Variants in RAB38 observed in about 807,000 individuals in gnomAD.
The protein encoded by RAB38 is RAB38, member RAS oncogene family, also known as ras-related protein Rab-38.
A neutral mutation model predicts 18.4 loss-of-function variants in RAB38; 15 were observed. That is an observed-to-expected ratio of 0.82 (90% CI 0.55 to 1.26). RAB38 has a LOEUF of 1.26. Among genes scored for constraint, RAB38 ranks in the 50% most tolerant of loss-of-function variants. The pLI is 0.00. For missense variants in RAB38, 294 were observed against 267.4 expected, an observed-to-expected ratio of 1.10 and a Z score of -0.69; for synonymous variants, 101 against 104.4, an observed-to-expected ratio of 0.97 and a Z score of 0.20.
the RAB38 span, among the ~76,000 whole-genome samples, chr11:87,963,739 C>T: frequency 6.4e-3 from 973 of 151,744 alleles, 14 homozygotes; most frequent in African/African-American, 0.023. Flanking sequence ...TTCTGCCTCC[C>T]GGGTTCAAGT....
At chr11:88,099,988 G>C in the RAB38 span, 1 of 151,766 alleles carries the variant, frequency 6.6e-6, no homozygotes, top group Non-Finnish European at 1.5e-5. Context: ...TTATCAGAAA[G>C]TGTTTAGGCT....
intron 1 of RAB38, chr11:88,166,160 TAGCAAGG>T (rs1943241145): frequency 6.6e-6 from 1 of 151,938 alleles, no homozygotes; most frequent in African/African-American, 2.4e-5. Flanking sequence ...GAACCAGGAA[TAGCAAGG>T]AGTTCAAATG....
At chr11:88,138,199 G>C (rs915390827) in intron 2 of RAB38, among the ~76,000 whole-genome samples, 7 of 152,294 alleles carry the variant, frequency 4.6e-5, no homozygotes, top group Admixed American at 2.0e-4. Flanking sequence ...AGGATTCTGG[G>C]ATGGAGATCT....
chr11:87,959,050 G>A, the RAB38 span, among the ~76,000 whole-genome samples: 2 of 152,064 alleles, frequency 1.3e-5, no homozygotes, highest in Admixed American at 6.6e-5. Flanking sequence ...TTAGGCTGTT[G>A]GCACAATTTC....
chr11:87,921,924 G>A, the RAB38 span, among the ~76,000 whole-genome samples: 1 of 151,970 alleles, frequency 6.6e-6, no homozygotes, highest in Admixed American at 6.6e-5. Context: ...GCATAGGACT[G>A]TACTTGAGCA....
chr11:88,019,082 A>G, the RAB38 span, among the ~76,000 whole-genome samples: 1 of 151,502 alleles, frequency 6.6e-6, no homozygotes, highest in Non-Finnish European at 1.5e-5. Flanking sequence ...TCTGCAATTC[A>G]TATTTTTTTT....
chr11:87,899,396 C>G, the RAB38 span, among the ~76,000 whole-genome samples: 4 of 151,620 alleles, frequency 2.6e-5, no homozygotes, highest in African/African-American at 9.7e-5. Flanking sequence ...CTTAACTCCT[C>G]TAAGCTGTTT....
At chr11:87,965,491 T>G in the RAB38 span, among the ~76,000 whole-genome samples, 4 of 152,322 alleles carry the variant, frequency 2.6e-5, no homozygotes, top group East Asian at 5.8e-4. Flanking sequence ...CATGTTCATT[T>G]ACTTTTCCCT....
chr11:87,888,185 A>G, the RAB38 span, among the ~76,000 whole-genome samples: 2 of 151,962 alleles, frequency 1.3e-5, no homozygotes, highest in Non-Finnish European at 2.9e-5. Flanking sequence ...GACTGCAGTT[A>G]TCAAATCATG....
chr11:88,026,173 C>T, the RAB38 span, among the ~76,000 whole-genome samples: 1 of 152,094 alleles, frequency 6.6e-6, no homozygotes, highest in South Asian at 2.1e-4. Context: ...CCATGTTGGT[C>T]AGACTGGTCT....
the RAB38 span, among the ~76,000 whole-genome samples, chr11:87,919,884 C>CAT: frequency 6.6e-6 from 1 of 151,832 alleles, no homozygotes. Flanking sequence ...AATTTGTTGG[C>CAT]ATATAATTGT....
the RAB38 span, among the ~76,000 whole-genome samples, chr11:87,914,237 C>T: frequency 6.6e-6 from 1 of 151,944 alleles, no homozygotes; most frequent in South Asian, 2.1e-4. Context: ...ATGGCTGTGA[C>T]CAAAACATTG....
At chr11:88,073,704 G>C in the RAB38 span, among the ~76,000 whole-genome samples, 1 of 150,918 alleles carries the variant, frequency 6.6e-6, no homozygotes, top group Admixed American at 6.6e-5. Flanking sequence ...ACCCTAACAA[G>C]ACAGTGATAT....
intron 1 of RAB38, among the ~76,000 whole-genome samples, chr11:88,150,267 C>T (rs35525506): frequency 3.3e-5 from 5 of 152,124 alleles, no homozygotes; most frequent in Non-Finnish European, 7.4e-5. Context: ...AAAAACTAAA[C>T]AAAATTTTTA....
At chr11:88,026,084 C>G in the RAB38 span, among the ~76,000 whole-genome samples, 1 of 151,960 alleles carries the variant, frequency 6.6e-6, no homozygotes, top group African/African-American at 2.4e-5. Context: ...CCTGCCTCAG[C>G]CTCCTGAGTA....
chr11:88,173,772 A>AT, intron 1 of RAB38: 3 of 985,374 alleles, frequency 3.0e-6, no homozygotes, highest in Non-Finnish European at 3.6e-6. Flanking sequence ...CTGTTCTCTG[A>AT]TAACCCCCTT....
chr11:88,034,723 A>C, the RAB38 span, among the ~76,000 whole-genome samples: 2 of 152,156 alleles, frequency 1.3e-5, no homozygotes, highest in African/African-American at 2.4e-5. Flanking sequence ...GAGTTTCAAG[A>C]GTTCTTTGAC....
chr11:87,921,603 A>C, the RAB38 span, among the ~76,000 whole-genome samples: 1 of 149,784 alleles, frequency 6.7e-6, no homozygotes, highest in Admixed American at 6.7e-5. Context: ...AGATATGACA[A>C]CATTACTCTC....
intron 2 of RAB38, among the ~76,000 whole-genome samples, chr11:88,138,203 G>C (rs1406653922): frequency 6.6e-6 from 1 of 152,160 alleles, no homozygotes. Context: ...TTCTGGGATG[G>C]AGATCTCCAA....
Sources: gnomAD v4.1 joint callset for allele counts (sites outside exome capture counted in the v4.1 genomes callset) on GRCh38, gnomAD v4.1.1 for gene constraint, MANE v1.5 for transcripts, NCBI Gene and HGNC (gene_info 2026-07-23, HGNC 2026-07-21) for gene names.